The following THADA variants were observed in gnomAD, a reference collection of about 807,000 sequenced individuals.
THADA encodes the protein THADA armadillo repeat containing, also known as tRNA (32-2'-O)-methyltransferase regulator THADA.
A neutral mutation model predicts 219.8 loss-of-function variants in THADA; 213 were observed. The ratio of observed to expected loss-of-function variants is 0.97; its 90% CI spans 0.87 to 1.09. The LOEUF is 1.09. Ranked by LOEUF, THADA falls within the 50% of genes least tolerant of loss-of-function variation. The pLI, the probability that THADA is intolerant of heterozygous loss-of-function variation, is 0.00. For missense variants in THADA, 2,956 were observed against 2,311.3 expected, an observed-to-expected ratio of 1.28 and a Z score of -5.72; for synonymous variants, 1,018 against 828.9, an observed-to-expected ratio of 1.23 and a Z score of -3.92.
At position 43,273,626 on chromosome 2, in the gene THADA, G is replaced by A. The variant is rs116482626; in HGVS notation, c.5296+6139C>T. Among the ~76,000 whole-genome samples the A allele has an allele frequency of 2.9e-3, 445 of 152,314 alleles. 3 individuals are homozygous for A. The highest frequency in any genetic ancestry group is 0.01 in the African/African-American group (429 of 41,564). ...AGGAACTGAAAAAAGCACAGGGCCTGCTGCGGGTCTGAGACTGGTGGGCAG... is the reference window on the plus strand; with the variant it reads ...AGGAACTGAAAAAAGCACAGGGCCTACTGCGGGTCTGAGACTGGTGGGCAG... On this transcript the variant is annotated intron_variant, in intron 36 of 37. Coordinates refer to ENST00000405975, the MANE Select transcript of THADA (RefSeq NM_022065.5).
intron 30 of THADA, among the ~76,000 whole-genome samples, chr2:43,333,560 G>A (rs1442093104): frequency 6.6e-6 from 1 of 151,574 alleles, no homozygotes; most frequent in East Asian, 1.9e-4. Context: ...AAGAAAAAAC[G>A]AGAGAAAGAA....
intron 22 of THADA, among the ~76,000 whole-genome samples, chr2:43,514,464 AT>A: frequency 7.1e-6 from 1 of 140,684 alleles, no homozygotes; most frequent in Non-Finnish European, 1.5e-5. Flanking sequence ...AAATATATAT[AT>A]AATATATAAT....
chr2:43,582,569 CT>C (rs755116429), intron 7 of THADA, among the ~76,000 whole-genome samples: 91 of 119,374 alleles, frequency 7.6e-4, no homozygotes, highest in Middle Eastern at 4.3e-3. Flanking sequence ...CCCTCCCTGG[CT>C]TTTTTTTTTT....
intron 26 of THADA, among the ~76,000 whole-genome samples, chr2:43,441,656 AC>A (rs1222816240): frequency 2.6e-5 from 4 of 152,314 alleles, no homozygotes; most frequent in African/African-American, 7.2e-5. Flanking sequence ...TCATGGTTGT[AC>A]TGAGAGAAGA....
At chr2:43,273,495 G>T (rs1429597212) in intron 36 of THADA, among the ~76,000 whole-genome samples, 1 of 152,188 alleles carries the variant, frequency 6.6e-6, no homozygotes, top group East Asian at 1.9e-4. Context: ...CACTTTGAAG[G>T]CGATATACCT....
At chr2:43,535,992 C>T (rs191269271) in intron 21 of THADA, among the ~76,000 whole-genome samples, 16 of 151,994 alleles carry the variant, frequency 1.1e-4, no homozygotes, top group Admixed American at 5.9e-4. Context: ...TTAATAGAGA[C>T]GGGGTTTTAC....
chr2:43,556,634 C>T, intron 16 of THADA, 79 bp from the exon 17 acceptor site: 1 of 1,353,240 alleles, frequency 7.4e-7, no homozygotes, highest in Non-Finnish European at 1.0e-6. Flanking sequence ...TTTTAAAACA[C>T]AGCCTGGAGC....
At chr2:43,567,893 C>A (rs1289386528) in intron 14 of THADA, among the ~76,000 whole-genome samples, 2 of 152,232 alleles carry the variant, frequency 1.3e-5, no homozygotes, top group African/African-American at 2.4e-5. Flanking sequence ...CAACTTGATT[C>A]TTTGGATTCA....
intron 26 of THADA, among the ~76,000 whole-genome samples, chr2:43,478,404 A>G (rs1167756228): frequency 6.6e-6 from 1 of 152,164 alleles, no homozygotes; most frequent in Admixed American, 6.5e-5. Context: ...GTATTGCTCT[A>G]CAGGTATTGA....
Position 43,574,322 on chromosome 2 carries a change from T to G in THADA, c.1729+14A>C, listed in dbSNP as rs757658569. 6.6e-7 allele frequency: 1 copy of G among 1,505,758 alleles called. No individual in the cohort carries two copies. Among genetic ancestry groups the G allele is most frequent in the Admixed American group, 2.5e-5 (1 of 39,692 alleles). The allele number at this position is 1,505,758 out of a possible 1,614,324, so 93.3% of individuals were successfully genotyped here. A position where few individuals can be genotyped will look rare whatever the true frequency, so the allele number is the denominator to read the frequency against. On this transcript the variant is annotated intron_variant, in intron 11 of 37. Transcript: ENST00000405975. ...TAATTAGAAACTACTAAAACAAAAA[T>G]GCATTTTTCTTACCAGTTTTAGCAT...
chr2:43,557,492 T>TTG (rs772924275), intron 16 of THADA, among the ~76,000 whole-genome samples: 2 of 152,152 alleles, frequency 1.3e-5, no homozygotes, highest in Non-Finnish European at 2.9e-5. Flanking sequence ...TGGTGAAACT[T>TTG]TGTGTGTGTG....
At chr2:43,487,191 G>T (rs1402158833) in intron 25 of THADA, among the ~76,000 whole-genome samples, 5 of 152,034 alleles carry the variant, frequency 3.3e-5, no homozygotes, top group Non-Finnish European at 7.4e-5. Flanking sequence ...TCTTCTACCT[G>T]ATCTAGTGAG....
intron 26 of THADA, among the ~76,000 whole-genome samples, chr2:43,438,721 G>T (rs1256981249): frequency 2.6e-5 from 4 of 152,132 alleles, no homozygotes; most frequent in East Asian, 3.8e-4. Flanking sequence ...TTATCTGAGG[G>T]GATACATTTC....
Position 43,393,424 on chromosome 2 carries a change from C to T in THADA, c.4227+4547G>A, listed in dbSNP as rs536182429. Among the ~76,000 whole-genome samples the T allele has an allele frequency of 5.3e-5, 8 of 152,232 alleles. No homozygotes were observed. The East Asian group carries it at 1.5e-3, about 29-fold the overall frequency. The stretch of plus-strand genomic sequence containing the variant: ...GGCTTTAGAGTTTAATATGTTATCT[C>T]AGCCGGGTGCGGTGGCTCACGCCCG... On this transcript the variant is annotated intron_variant, in intron 29 of 37. Transcript: ENST00000405975.
chr2:43,476,286 A>T (rs1375144708), intron 26 of THADA, among the ~76,000 whole-genome samples: 1 of 152,208 alleles, frequency 6.6e-6, no homozygotes, highest in African/African-American at 2.4e-5. Context: ...GCCACTGGGT[A>T]TTGTGCCTAG....
intron 26 of THADA, among the ~76,000 whole-genome samples, chr2:43,437,393 T>C (rs570495107): frequency 6.6e-6 from 1 of 152,250 alleles, no homozygotes; most frequent in Admixed American, 6.5e-5. Flanking sequence ...ATAGACCCTG[T>C]TGGTTTCTGG....
chr2:43,302,508 T>G (rs1167540975), intron 31 of THADA, among the ~76,000 whole-genome samples: 6 of 151,944 alleles, frequency 3.9e-5, no homozygotes, highest in Non-Finnish European at 7.4e-5. Flanking sequence ...TTCAAGGGAA[T>G]GGCTGAATGG....
rs544571192 is a variant in THADA at position 43,510,024 on chromosome 2, C to T, written c.3375-1244G>A. On this transcript the variant is annotated intron_variant, in intron 22 of 37. Transcript: ENST00000405975. ...TAACAACCAAATGTAGTGTGTGAAC[C>T]TTGCTTAGATCTTGATTTGAACAAT... Among the ~76,000 whole-genome samples the T allele has an allele frequency of 2.0e-5, 3 of 152,222 alleles. No individual in the cohort carries two copies. In the South Asian group the frequency reaches 6.2e-4, roughly 32 times the overall value.
intron 26 of THADA, among the ~76,000 whole-genome samples, chr2:43,483,445 T>A (rs1013123077): frequency 6.6e-6 from 1 of 152,210 alleles, no homozygotes; most frequent in African/African-American, 2.4e-5. Context: ...TATATCTTCA[T>A]GGGTTAAACA....
Sources: gnomAD v4.1 joint callset for allele counts (sites outside exome capture counted in the v4.1 genomes callset) on GRCh38, gnomAD v4.1.1 for gene constraint, MANE v1.5 for transcripts, NCBI Gene and HGNC (gene_info 2026-07-23, HGNC 2026-07-21) for gene names.